PDGFRA: variants seen among roughly 807,000 people sequenced by gnomAD.
The protein encoded by PDGFRA is platelet-derived growth factor receptor alpha.
A neutral mutation model predicts 121.5 loss-of-function variants in PDGFRA; 25 were observed. The ratio of observed to expected loss-of-function variants is 0.21; its 90% confidence interval spans 0.15 to 0.29. The LOEUF (loss-of-function observed/expected upper bound fraction) is 0.29. PDGFRA is among the 10% of genes least tolerant of loss of function. The pLI, the probability that PDGFRA is intolerant of heterozygous loss-of-function variation, is 1.00. For missense variants in PDGFRA, 1,008 were observed against 1,345.1 expected, an observed-to-expected ratio of 0.75 and a Z score of 3.92; for synonymous variants, 463 against 494.8, an observed-to-expected ratio of 0.94 and a Z score of 0.85.
intron 5 of PDGFRA, among the ~76,000 whole-genome samples, chr4:54,265,901 T>G (rs1279736962): frequency 1.3e-5 from 2 of 152,258 alleles, no homozygotes; most frequent in Non-Finnish European, 2.9e-5. Flanking sequence ...TTTAGGCATT[T>G]GACAGCTTTC....
chr4:54,285,564 T>C lies in PDGFRA; in HGVS notation c.2439+78T>C, dbSNP rs182081936. On this transcript the variant is annotated intron_variant, in intron 17 of 22. Transcript: ENST00000257290. ...GTGGACGGAGATGCTAGGAGATAGA[T>C]GTTGGAAAGGCCATTAATAACAGGG... The C allele has an allele frequency of 4.7e-5, 37 of 789,166 alleles. No homozygotes were observed. The East Asian group carries it at 9.1e-4, about 19-fold the overall frequency. The allele number at this position is 789,166 out of a possible 1,614,324, so 48.9% of individuals were successfully genotyped here.
intron 1 of PDGFRA, chr4:54,240,093 T>G: frequency 2.5e-6 from 1 of 405,664 alleles, no homozygotes; most frequent in African/African-American, 2.1e-5. Flanking sequence ...GCTCAAATGA[T>G]CTGCCTGCCT....
rs547770683 is a variant in PDGFRA, at chr4:54,291,007, C to A, written c.3122+453C>A. On this transcript the variant is annotated intron_variant, in intron 22 of 22. Coordinates refer to ENST00000257290, the MANE Select transcript of PDGFRA (RefSeq NM_006206.6). ...GATTTAAAAACTGCTGATCTACAAGCCTCACCCAAAACAACAAATTAGAAT... is the reference window on the plus strand; with the variant it reads ...GATTTAAAAACTGCTGATCTACAAGACTCACCCAAAACAACAAATTAGAAT... Among the ~76,000 whole-genome samples the A allele has an allele frequency of 3.3e-5, 5 of 152,306 alleles. No homozygotes were observed. In the East Asian group the frequency reaches 7.7e-4, roughly 23 times the overall value.
intron 13 of PDGFRA, 88 bp downstream of exon 13, chr4:54,277,580 G>C: frequency 1.1e-6 from 1 of 873,848 alleles, no homozygotes; most frequent in Non-Finnish European, 1.9e-6. Flanking sequence ...CATGCAGCTA[G>C]TAAATAAGAC....
rs1035624610 is a variant in PDGFRA, at chr4:54,297,635, A to G, written c.*2363A>G. On this transcript the variant is annotated 3_prime_UTR_variant, in exon 23 of 23. Transcript: ENST00000257290. Reference sequence around the variant, plus strand: ...CAGTCCTAACAAATGCTCCCACCTGAATTTGTATATGACTGCATTTGTGTG... The same window carrying G: ...CAGTCCTAACAAATGCTCCCACCTGGATTTGTATATGACTGCATTTGTGTG... The G allele has an allele frequency of 8.6e-6, 2 of 233,516 alleles. No individual in the cohort carries two copies. The highest frequency in any genetic ancestry group is 4.4e-5 in the African/African-American group (2 of 45,322). The allele number at this position is 233,516 out of a possible 1,614,324, so 14.5% of individuals were successfully genotyped here.
chr4:54,292,802 T>C (rs1452943335), intron 22 of PDGFRA, among the ~76,000 whole-genome samples: 2 of 152,094 alleles, frequency 1.3e-5, no homozygotes, highest in African/African-American at 2.4e-5. Context: ...CCGCATGTTC[T>C]CACTTATAAG....
intron 7 of PDGFRA, among the ~76,000 whole-genome samples, chr4:54,268,810 G>T (rs1723177004): frequency 6.6e-6 from 1 of 152,216 alleles, no homozygotes; most frequent in Non-Finnish European, 1.5e-5. Context: ...GAGAGGAATA[G>T]GGTAACAACC....
At position 54,295,845 on chromosome 4, in the gene PDGFRA, GAA is replaced by G. The variant is rs886059451; in HGVS notation, c.*574_*575del. Reference sequence around the variant, plus strand: ...TCTTTTTTAGTGTTAAAGAGATAAAGAATAATAATTAACCAACCTTGTTTAAT... The same window carrying G: ...TCTTTTTTAGTGTTAAAGAGATAAAGTAATAATTAACCAACCTTGTTTAAT... On this transcript the variant is annotated 3_prime_UTR_variant, in exon 23 of 23. Transcript: ENST00000257290. 1 of 235,152 alleles carries G rather than the reference GAA, an allele frequency of 4.3e-6. No individual in the cohort carries two copies. Among genetic ancestry groups the G allele is most frequent in the East Asian group, 6.1e-5 (1 of 16,422 alleles). 14.6% of individuals were successfully genotyped at this position (235,152 alleles called of 1,614,324 possible). A position where few individuals can be genotyped will look rare whatever the true frequency, so the allele number is the denominator to read the frequency against.
intron 1 of PDGFRA, chr4:54,230,423 G>T (rs1720596459): frequency 6.6e-6 from 1 of 152,408 alleles, no homozygotes; most frequent in East Asian, 1.9e-4. Flanking sequence ...TGTGCTCCGT[G>T]GCCCCCGCCC....
Position 54,229,404 on chromosome 4 carries a change from T to A in PDGFRA, c.-24T>A, listed in dbSNP as rs1438241291. ...GTGGGACATTCATTGCGGAATAACATCGGAGGAGAAGGTAAGGGAAAAGAA... is the reference window on the plus strand; with the variant it reads ...GTGGGACATTCATTGCGGAATAACAACGGAGGAGAAGGTAAGGGAAAAGAA... On this transcript the variant is annotated 5_prime_UTR_variant, in exon 1 of 23. Transcript: ENST00000257290. The A allele has an allele frequency of 1.5e-5, 6 of 398,088 alleles. No individual in the cohort carries two copies. The highest frequency in any genetic ancestry group is 1.2e-4 in the African/African-American group (6 of 48,462). The allele number at this position is 398,088 out of a possible 1,614,324, so 24.7% of individuals were successfully genotyped here.
chr4:54,268,378 C>G (rs1469857056), intron 7 of PDGFRA, among the ~76,000 whole-genome samples: 2 of 152,142 alleles, frequency 1.3e-5, no homozygotes, highest in African/African-American at 4.8e-5. Flanking sequence ...TACCTTATGT[C>G]CTTCAAGGCA....
chr4:54,232,449 T>C lies in PDGFRA; in HGVS notation c.-13+3034T>C, dbSNP rs200097038. Among the ~76,000 whole-genome samples the C allele has an allele frequency of 5.3e-4, 80 of 152,284 alleles. No homozygotes were observed. The East Asian group carries it at 0.014, about 27-fold the overall frequency. On this transcript the variant is annotated intron_variant, in intron 1 of 22. Transcript: ENST00000257290. ...GGAGGGAATAATGGGAAACCCGACT[T>C]GGGGCGCCTCCTTCCCTGCCTCCTA...
chr4:54,261,289 G>A lies in PDGFRA; in HGVS notation c.244G>A (p.Val82Met), dbSNP rs768193197. 2 of 1,614,124 alleles carry A rather than the reference G, an allele frequency of 1.2e-6. No individual in the cohort carries two copies. Among genetic ancestry groups the A allele is most frequent in the South Asian group, 1.1e-5 (1 of 91,078 alleles). ...RNEENNSGLF[V>M]TVLEVSSASA... ...TGAAGAAAACAACAGCGGCCTTTTT[G>A]TGACGGTCTTGGAAGTGAGCAGTGC... Residue 82 changes from valine to methionine, a missense_variant, in exon 3 of 23, where the codon GTG becomes ATG. This residue lies in a region of PDGFRA where 575 missense variants were observed against 701.8 expected (regional missense o/e 0.82). Transcript: ENST00000257290.
At chr4:54,272,295 A>G (rs1031811001) in intron 8 of PDGFRA, 99 bp from the exon 9 acceptor site, 8 of 1,330,972 alleles carry the variant, frequency 6.0e-6, no homozygotes, top group South Asian at 3.5e-5. Flanking sequence ...AGTGTTTTGA[A>G]TGCCATGTAG....
intron 1 of PDGFRA, among the ~76,000 whole-genome samples, chr4:54,250,910 C>T (rs528600014): frequency 6.6e-6 from 1 of 151,680 alleles, no homozygotes; most frequent in East Asian, 1.9e-4. Context: ...ACTAAAAATA[C>T]AAAAATCAGT....
At chr4:54,242,824 T>C (rs1364009950) in intron 1 of PDGFRA, among the ~76,000 whole-genome samples, 1 of 152,166 alleles carries the variant, frequency 6.6e-6, no homozygotes, top group Non-Finnish European at 1.5e-5. Flanking sequence ...GAAACCTCTG[T>C]TTTCCTCATG....
chr4:54,266,411 C>CTTTTTTTTTTTTTTTTTTT (rs552308043), intron 5 of PDGFRA, among the ~76,000 whole-genome samples: 1 of 130,546 alleles, frequency 7.7e-6, no homozygotes, highest in African/African-American at 2.8e-5. Context: ...TTTCTTTTTT[C>CTTTTTTTTTTTTTTTTTTT]TTTTTTTTTT....
At chr4:54,269,529 A>G (rs1723213698) in intron 7 of PDGFRA, among the ~76,000 whole-genome samples, 1 of 151,762 alleles carries the variant, frequency 6.6e-6, no homozygotes, top group South Asian at 2.1e-4. Context: ...ACACACACAC[A>G]CACACAACCA....
At chr4:54,287,382 T>A in intron 18 of PDGFRA, 48 bp from the exon 19 acceptor site, 1 of 804,818 alleles carries the variant, frequency 1.2e-6, no homozygotes, top group Non-Finnish European at 2.3e-6. Context: ...CTGCTGTGGA[T>A]CATCAGTGAG....
Sources: gnomAD v4.1 joint callset for allele counts (sites outside exome capture counted in the v4.1 genomes callset) on GRCh38, gnomAD v4.1.1 for gene constraint, gnomAD v4.1.1 regional missense constraint, MANE v1.5 for transcripts, NCBI Gene and HGNC (gene_info 2026-07-23, HGNC 2026-07-21) for gene names.